The following MAGI1 variants were observed in gnomAD, a reference collection of about 807,000 sequenced individuals.
MAGI1 encodes membrane-associated guanylate kinase, WW and PDZ domain-containing protein 1.
MAGI1 carries 58 observed loss-of-function variants against 139.9 expected under a neutral mutation model. The observed-to-expected ratio is 0.41, with a 90% CI of 0.34 to 0.52. The LOEUF is 0.52. Ranked by LOEUF, MAGI1 falls within the 20% of genes least tolerant of loss-of-function variation. MAGI1 has a pLI of 0.12. For missense variants in MAGI1, 1,874 were observed against 1,901.6 expected, an observed-to-expected ratio of 0.99 and a Z score of 0.27; for synonymous variants, 812 against 737.9, an observed-to-expected ratio of 1.10 and a Z score of -1.63.
intron 1 of MAGI1, among the ~76,000 whole-genome samples, chr3:65,828,700 A>G (rs981973191): frequency 6.6e-6 from 1 of 152,142 alleles, no homozygotes; most frequent in Non-Finnish European, 1.5e-5. Flanking sequence ...TTACAAAAGG[A>G]TTTTGCAATT....
chr3:65,523,582 A>G (rs552221619), intron 2 of MAGI1, among the ~76,000 whole-genome samples: 2 of 152,296 alleles, frequency 1.3e-5, no homozygotes, highest in Non-Finnish European at 1.5e-5. Flanking sequence ...TCTGTTTCAC[A>G]TGCATCCTGT....
intron 1 of MAGI1, among the ~76,000 whole-genome samples, chr3:65,909,217 T>C (rs1331393691): frequency 2.0e-5 from 3 of 152,128 alleles, no homozygotes. Context: ...ATTATTTCCA[T>C]AGCCCACCTT....
At chr3:66,014,232 A>C (rs1281102978) in intron 1 of MAGI1, among the ~76,000 whole-genome samples, 6 of 152,206 alleles carry the variant, frequency 3.9e-5, no homozygotes, top group African/African-American at 9.6e-5. Context: ...GATATTTCCC[A>C]AACAAACCGA....
chr3:65,484,559 A>G (rs182839197), intron 3 of MAGI1, among the ~76,000 whole-genome samples: 1 of 152,142 alleles, frequency 6.6e-6, no homozygotes, highest in African/African-American at 2.4e-5. Context: ...GACATCCAGC[A>G]TATCTGATTT....
chr3:65,378,967 C>A (rs1415296046), intron 17 of MAGI1, among the ~76,000 whole-genome samples: 1 of 152,194 alleles, frequency 6.6e-6, no homozygotes, highest in Non-Finnish European at 1.5e-5. Context: ...CAGGCGTGAG[C>A]AACAGCGCCC....
chr3:65,673,512 C>G (rs1008790189), intron 1 of MAGI1, among the ~76,000 whole-genome samples: 4 of 152,160 alleles, frequency 2.6e-5, no homozygotes, highest in Non-Finnish European at 4.4e-5. Flanking sequence ...ACCTTGGATA[C>G]CTACATCCTC....
At chr3:65,889,049 T>C (rs2108562719) in intron 1 of MAGI1, among the ~76,000 whole-genome samples, 1 of 152,322 alleles carries the variant, frequency 6.6e-6, no homozygotes, top group African/African-American at 2.4e-5. Flanking sequence ...GTACTATTCA[T>C]TATCAGATTC....
chr3:65,887,584 TTC>T (rs2060584881), intron 1 of MAGI1, among the ~76,000 whole-genome samples: 1 of 152,058 alleles, frequency 6.6e-6, no homozygotes, highest in African/African-American at 2.4e-5. Flanking sequence ...ATACCACAAT[TTC>T]TCTTAGACAG....
chr3:65,857,881 A>C (rs1321607702), intron 1 of MAGI1, among the ~76,000 whole-genome samples: 1 of 151,914 alleles, frequency 6.6e-6, no homozygotes. Context: ...GAAGGGGGGG[A>C]ACAAATGGGT....
At chr3:65,400,915 A>C (rs763187038) in intron 13 of MAGI1, among the ~76,000 whole-genome samples, 4 of 151,964 alleles carry the variant, frequency 2.6e-5, no homozygotes, top group Non-Finnish European at 5.9e-5. Context: ...GAGCATGGTC[A>C]CATATATGGG....
chr3:65,735,573 T>G (rs2034652894), intron 1 of MAGI1, among the ~76,000 whole-genome samples: 1 of 152,128 alleles, frequency 6.6e-6, no homozygotes, highest in African/African-American at 2.4e-5. Context: ...GAATTTGGTA[T>G]TCACGGCTCT....
chr3:65,758,332 T>C (rs1468629033), intron 1 of MAGI1, among the ~76,000 whole-genome samples: 1 of 152,174 alleles, frequency 6.6e-6, no homozygotes, highest in Non-Finnish European at 1.5e-5. Context: ...GATGCTTACT[T>C]ACACTGTTGA....
chr3:65,392,949 T>G (rs141405051), intron 13 of MAGI1, among the ~76,000 whole-genome samples: 1 of 152,176 alleles, frequency 6.6e-6, no homozygotes, highest in African/African-American at 2.4e-5. Flanking sequence ...TTGGGAAAAC[T>G]GTATGAGAGG....
chr3:65,979,140 G>T (rs2065437493), intron 1 of MAGI1, among the ~76,000 whole-genome samples: 1 of 120,256 alleles, frequency 8.3e-6, no homozygotes, highest in Non-Finnish European at 1.6e-5. Context: ...AAGATGTCTG[G>T]AACAGAAAAT....
intron 17 of MAGI1, among the ~76,000 whole-genome samples, chr3:65,376,718 C>T (rs9854780): frequency 0.13 from 20,397 of 152,150 alleles, 2,683 homozygotes; most frequent in East Asian, 0.45. Flanking sequence ...CAAAGGACTA[C>T]GAAAATCTAG....
At chr3:65,921,046 T>C (rs1576054189) in intron 1 of MAGI1, among the ~76,000 whole-genome samples, 1 of 150,306 alleles carries the variant, frequency 6.7e-6, no homozygotes, top group Non-Finnish European at 1.5e-5. Flanking sequence ...AAAAACAAAA[T>C]GGAATTGGGC....
intron 1 of MAGI1, among the ~76,000 whole-genome samples, chr3:65,808,111 G>A (rs370554695): frequency 1.2e-3 from 175 of 151,614 alleles, no homozygotes; most frequent in African/African-American, 3.9e-3. Context: ...TCCGCCTCCC[G>A]AGTAGCTGGG....
intron 1 of MAGI1, among the ~76,000 whole-genome samples, chr3:65,631,145 C>A (rs572807945): frequency 6.6e-6 from 1 of 152,162 alleles, no homozygotes; most frequent in Non-Finnish European, 1.5e-5. Flanking sequence ...GGAAGAAGGA[C>A]AGGAAGGGGC....
At chr3:65,908,458 G>A (rs2061526795) in intron 1 of MAGI1, among the ~76,000 whole-genome samples, 1 of 152,062 alleles carries the variant, frequency 6.6e-6, no homozygotes. Flanking sequence ...CTAATTTTTT[G>A]TAATTTTAGT....
Sources: allele counts gnomAD v4.1 joint callset (sites outside exome capture counted in the v4.1 genomes callset), GRCh38; gene constraint gnomAD v4.1.1; transcripts MANE v1.5; gene names NCBI Gene and HGNC (gene_info 2026-07-23, HGNC 2026-07-21).